SGCZ: variants seen among roughly 807,000 people sequenced by gnomAD.
The protein encoded by SGCZ is sarcoglycan zeta.
In SGCZ, 40 loss-of-function variants were observed where a neutral mutation model predicts 41.3. The observed-to-expected ratio is 0.97, with a 90% CI of 0.75 to 1.26. SGCZ has a LOEUF of 1.26. Ranked by LOEUF, SGCZ falls within the 50% of genes most tolerant of loss-of-function variation. The pLI, the probability that SGCZ is intolerant of heterozygous loss-of-function variation, is 0.00. For missense variants in SGCZ, 552 were observed against 369.8 expected, an observed-to-expected ratio of 1.49 and a Z score of -4.04; for synonymous variants, 206 against 137.5, an observed-to-expected ratio of 1.50 and a Z score of -3.49.
intron 2 of SGCZ, among the ~76,000 whole-genome samples, chr8:14,369,958 A>G (rs939664347): frequency 6.6e-6 from 1 of 152,034 alleles, no homozygotes; most frequent in African/African-American, 2.4e-5. Flanking sequence ...GTTAAAATCC[A>G]TTTACTGTTA....
chr8:14,447,742 G>A (rs1327093407), intron 2 of SGCZ, among the ~76,000 whole-genome samples: 1 of 152,118 alleles, frequency 6.6e-6, no homozygotes, highest in Non-Finnish European at 1.5e-5. Context: ...GTAGCCAGTG[G>A]AATGAAAGAC....
At chr8:14,207,668 A>G (rs1241128971) in intron 4 of SGCZ, among the ~76,000 whole-genome samples, 4 of 152,138 alleles carry the variant, frequency 2.6e-5, no homozygotes, top group African/African-American at 9.7e-5. Context: ...TGAAAACTAG[A>G]GGACAAAGTA....
intron 1 of SGCZ, among the ~76,000 whole-genome samples, chr8:14,898,976 AT>A (rs1332034981): frequency 1.3e-5 from 2 of 152,192 alleles, no homozygotes; most frequent in Non-Finnish European, 2.9e-5. Flanking sequence ...ATGTAAAATA[AT>A]TTTTTAAAAG....
At chr8:14,144,559 G>T (rs6998068) in intron 5 of SGCZ, among the ~76,000 whole-genome samples, 3,246 of 152,246 alleles carry the variant, frequency 0.021, 146 homozygotes, top group African/African-American at 0.075. Flanking sequence ...CAGCTGTGTT[G>T]GCTACATGGC....
chr8:14,823,402 A>G (rs1015955658), intron 1 of SGCZ, among the ~76,000 whole-genome samples: 1 of 152,336 alleles, frequency 6.6e-6, no homozygotes. Flanking sequence ...AAATAATTCA[A>G]TTAACAAATG....
intron 1 of SGCZ, among the ~76,000 whole-genome samples, chr8:15,016,531 G>A (rs183052894): frequency 1.2e-4 from 19 of 152,304 alleles, no homozygotes; most frequent in Admixed American, 5.2e-4. Context: ...TTCCAGGGGC[G>A]TAGACCAGGA....
intron 1 of SGCZ, among the ~76,000 whole-genome samples, chr8:15,123,434 T>A (rs1216046788): frequency 6.6e-6 from 1 of 152,180 alleles, no homozygotes; most frequent in African/African-American, 2.4e-5. Flanking sequence ...TGCTCAGTAA[T>A]TTTTTGGTTT....
chr8:14,358,287 TG>T (rs1244773888), intron 2 of SGCZ, among the ~76,000 whole-genome samples: 8 of 152,194 alleles, frequency 5.3e-5, no homozygotes, highest in Admixed American at 5.2e-4. Context: ...CTTTTTGAAA[TG>T]GGGTAATCGA....
chr8:14,722,180 TTC>T (rs1437058226), intron 1 of SGCZ, among the ~76,000 whole-genome samples: 3 of 152,224 alleles, frequency 2.0e-5, no homozygotes, highest in African/African-American at 7.2e-5. Context: ...ATTTTATTAT[TTC>T]TCTCTACCTC....
chr8:14,436,609 G>A (rs1428959766), intron 2 of SGCZ, among the ~76,000 whole-genome samples: 1 of 152,172 alleles, frequency 6.6e-6, no homozygotes, highest in Admixed American at 6.5e-5. Flanking sequence ...AGCACTAACC[G>A]TCCTAGTAGC....
At chr8:14,915,215 A>G (rs888216419) in intron 1 of SGCZ, among the ~76,000 whole-genome samples, 4 of 152,186 alleles carry the variant, frequency 2.6e-5, no homozygotes, top group Admixed American at 2.6e-4. Context: ...CTGTAAATTC[A>G]ATATCAAGCC....
chr8:14,543,038 G>A (rs985327092), intron 2 of SGCZ, among the ~76,000 whole-genome samples: 3 of 151,788 alleles, frequency 2.0e-5, no homozygotes, highest in Non-Finnish European at 2.9e-5. Flanking sequence ...TACACTCTGT[G>A]TTATATTGAC....
intron 1 of SGCZ, among the ~76,000 whole-genome samples, chr8:14,834,270 C>T (rs572132960): frequency 4.6e-5 from 7 of 152,132 alleles, no homozygotes; most frequent in Admixed American, 2.6e-4. Context: ...TTTACAAAAT[C>T]TTTTAGAATT....
intron 1 of SGCZ, among the ~76,000 whole-genome samples, chr8:14,667,248 G>C (rs1386873659): frequency 1.3e-5 from 2 of 152,122 alleles, no homozygotes; most frequent in African/African-American, 4.8e-5. Context: ...GATTATTCTG[G>C]CATGTATAAC....
intron 1 of SGCZ, among the ~76,000 whole-genome samples, chr8:14,755,958 T>C (rs140586481): frequency 1.0e-3 from 157 of 152,224 alleles, no homozygotes; most frequent in African/African-American, 3.6e-3. Flanking sequence ...TCAAGATAAA[T>C]ACATAAATAT....
In SGCZ at chr8:14,362,221, C is replaced by G. The variant is rs1016625545; in HGVS notation, c.235-38017G>C. On this transcript the variant is annotated intron_variant, in intron 2 of 7. Transcript: ENST00000382080. ...GGGAGAAGCACTACTCTCCTCAGAG[C>G]TGTCAGGCAGGGACATTTAAGTCTG... is the stretch of plus-strand genomic sequence containing the variant. Among the ~76,000 whole-genome samples the G allele has an allele frequency of 3.3e-5, 5 of 152,196 alleles. No individual in the cohort carries two copies. In the South Asian group the frequency reaches 8.3e-4, roughly 25 times the overall value.
chr8:14,895,519 C>A (rs994737217), intron 1 of SGCZ, among the ~76,000 whole-genome samples: 2 of 151,994 alleles, frequency 1.3e-5, no homozygotes, highest in South Asian at 4.1e-4. Context: ...TTATAACATT[C>A]CCCACTCCCC....
intron 1 of SGCZ, among the ~76,000 whole-genome samples, chr8:14,781,031 T>A (rs1800572330): frequency 6.6e-6 from 1 of 152,194 alleles, no homozygotes; most frequent in Admixed American, 6.5e-5. Context: ...TTTGTCATCA[T>A]TCTATAAATA....
intron 3 of SGCZ, among the ~76,000 whole-genome samples, chr8:14,237,946 G>A (rs951344989): frequency 1.3e-5 from 2 of 152,116 alleles, no homozygotes; most frequent in Non-Finnish European, 2.9e-5. Flanking sequence ...GCACATCAAC[G>A]GTGTAGTAAC....
Sources: gnomAD v4.1 joint callset for allele counts (sites outside exome capture counted in the v4.1 genomes callset) on GRCh38, gnomAD v4.1.1 for gene constraint, MANE v1.5 for transcripts, NCBI Gene and HGNC (gene_info 2026-07-23, HGNC 2026-07-21) for gene names.